SDK1: variants seen among roughly 807,000 people sequenced by gnomAD.
SDK1 encodes sidekick cell adhesion molecule 1.
SDK1 carries 157 observed loss-of-function variants against 245.5 expected under a neutral mutation model. The ratio of observed to expected loss-of-function variants is 0.64; its 90% CI spans 0.56 to 0.73. The LOEUF (loss-of-function observed/expected upper bound fraction) is 0.73, where lower values mean the gene tolerates loss of function less well. Ranked by LOEUF, SDK1 falls within the 30% of genes least tolerant of loss-of-function variation. The probability of loss-of-function intolerance (pLI) is 0.00; values close to 1 mark genes in which losing one functional copy is unlikely to be tolerated. For synonymous variants in SDK1, 1,647 were observed against 1,278.5 expected (o/e 1.29, Z -6.15); for missense variants, 3,583 against 3,002.3 (o/e 1.19, Z -4.52).
At chr7:4,010,074 A>G (rs1226480368) in intron 14 of SDK1, among the ~76,000 whole-genome samples, 1 of 152,206 alleles carries the variant, frequency 6.6e-6, no homozygotes, top group Non-Finnish European at 1.5e-5. Context: ...CCTTAGCGCC[A>G]CTTCAGGTCA....
At chr7:3,844,837 T>G (rs1307105205) in intron 5 of SDK1, among the ~76,000 whole-genome samples, 1 of 152,200 alleles carries the variant, frequency 6.6e-6, no homozygotes, top group East Asian at 1.9e-4. Context: ...TTATCAAATG[T>G]GCAGTTTGGT....
At chr7:4,157,121 C>A (rs1780781290) in intron 30 of SDK1, among the ~76,000 whole-genome samples, 1 of 152,068 alleles carries the variant, frequency 6.6e-6, no homozygotes, top group East Asian at 1.9e-4. Flanking sequence ...CAGGGCGGGT[C>A]CCTGACCGGC....
At chr7:3,612,005 C>T (rs1161353804) in intron 1 of SDK1, among the ~76,000 whole-genome samples, 3 of 152,068 alleles carry the variant, frequency 2.0e-5, no homozygotes, top group African/African-American at 7.2e-5. Context: ...GAATGGAAAA[C>T]CAAACATTGT....
chr7:4,152,945 A>T (rs1318643131), intron 30 of SDK1, among the ~76,000 whole-genome samples: 2 of 152,122 alleles, frequency 1.3e-5, no homozygotes, highest in African/African-American at 2.4e-5. Context: ...AAGTTGTGAG[A>T]CGGGGTAGCC....
chr7:3,597,237 A>C (rs1232803518), intron 1 of SDK1, among the ~76,000 whole-genome samples: 1 of 145,088 alleles, frequency 6.9e-6, no homozygotes, highest in Non-Finnish European at 1.5e-5. Context: ...GCGCCACTGC[A>C]CTCCAGCCTG....
intron 1 of SDK1, among the ~76,000 whole-genome samples, chr7:3,552,732 A>G (rs879460307): frequency 1.3e-5 from 2 of 152,156 alleles, no homozygotes; most frequent in Non-Finnish European, 2.9e-5. Flanking sequence ...AGGTCATTCT[A>G]GGGGTTGAGG....
intron 37 of SDK1, among the ~76,000 whole-genome samples, chr7:4,209,562 G>A (rs1784408026): frequency 6.6e-6 from 1 of 152,196 alleles, no homozygotes; most frequent in Admixed American, 6.5e-5. Flanking sequence ...GATTTCACGT[G>A]CAGGAGCCAG....
chr7:3,600,988 T>A (rs555890064), intron 1 of SDK1, among the ~76,000 whole-genome samples: 1 of 152,012 alleles, frequency 6.6e-6, no homozygotes, highest in Non-Finnish European at 1.5e-5. Flanking sequence ...CTCACCTAAT[T>A]TTTTTCCTTA....
chr7:3,711,824 G>T (rs1274681980), intron 4 of SDK1, among the ~76,000 whole-genome samples: 1 of 152,132 alleles, frequency 6.6e-6, no homozygotes, highest in Admixed American at 6.5e-5. Flanking sequence ...GAAGCTGGGG[G>T]CGTTGTGATC....
chr7:3,476,339 C>G (rs965058836), intron 1 of SDK1, among the ~76,000 whole-genome samples: 1 of 152,204 alleles, frequency 6.6e-6, no homozygotes, highest in East Asian at 1.9e-4. Context: ...GCCGTTACCG[C>G]TCCTGGTCGC....
At chr7:3,679,982 A>T (rs1296114263) in intron 4 of SDK1, among the ~76,000 whole-genome samples, 1 of 148,574 alleles carries the variant, frequency 6.7e-6, no homozygotes, top group Admixed American at 6.8e-5. Flanking sequence ...TATTTGTAAT[A>T]GTCAAATTTT....
chr7:3,339,500 A>G (rs976014348), intron 1 of SDK1, among the ~76,000 whole-genome samples: 7 of 152,270 alleles, frequency 4.6e-5, no homozygotes, highest in Admixed American at 1.3e-4. Flanking sequence ...TTAAGTGCCC[A>G]TGGGACATCA....
chr7:4,249,828 T>C (rs938950011), intron 44 of SDK1, among the ~76,000 whole-genome samples: 1 of 152,184 alleles, frequency 6.6e-6, no homozygotes, highest in South Asian at 2.1e-4. Flanking sequence ...CCAGCTCACA[T>C]GGTAACATTC....
At chr7:4,109,771 T>C (rs946782810) in intron 22 of SDK1, among the ~76,000 whole-genome samples, 2 of 152,120 alleles carry the variant, frequency 1.3e-5, no homozygotes, top group Non-Finnish European at 2.9e-5. Flanking sequence ...CTTGGGGCAG[T>C]GGCAGTAGAA....
intron 17 of SDK1, among the ~76,000 whole-genome samples, chr7:4,045,835 A>G (rs76126609): frequency 0.022 from 3,358 of 152,214 alleles, 46 homozygotes; most frequent in Non-Finnish European, 0.037. Context: ...CTCTTCACTC[A>G]TGGATTTCCT....
chr7:3,417,709 T>C (rs1377925775), intron 1 of SDK1, among the ~76,000 whole-genome samples: 1 of 152,182 alleles, frequency 6.6e-6, no homozygotes, highest in African/African-American at 2.4e-5. Flanking sequence ...CATTGTTACA[T>C]AAAGTGTTTA....
At chr7:3,767,368 C>T (rs944817684) in intron 4 of SDK1, among the ~76,000 whole-genome samples, 1 of 152,160 alleles carries the variant, frequency 6.6e-6, no homozygotes, top group Non-Finnish European at 1.5e-5. Flanking sequence ...TAAAAAAGAA[C>T]ACACAAATAA....
intron 22 of SDK1, among the ~76,000 whole-genome samples, chr7:4,095,072 A>G (rs1237504904): frequency 6.6e-6 from 1 of 152,114 alleles, no homozygotes; most frequent in Non-Finnish European, 1.5e-5. Context: ...AATTTAGAAC[A>G]AACAGCAGAG....
chr7:3,543,651 C>T (rs1779119711), intron 1 of SDK1, among the ~76,000 whole-genome samples: 1 of 149,778 alleles, frequency 6.7e-6, no homozygotes, highest in South Asian at 2.1e-4. Context: ...TGTTTCTCAG[C>T]AGGCAGAGCG....
Sources: gnomAD v4.1 joint callset for allele counts (sites outside exome capture counted in the v4.1 genomes callset) on GRCh38, gnomAD v4.1.1 for gene constraint, MANE v1.5 for transcripts, NCBI Gene and HGNC (gene_info 2026-07-23, HGNC 2026-07-21) for gene names.